Variants in MAK observed in about 807,000 individuals in gnomAD.
The protein encoded by MAK is serine/threonine-protein kinase MAK.
In MAK, 65 loss-of-function variants were observed where a neutral mutation model predicts 82.6. The observed-to-expected ratio is 0.79, with a 90% CI of 0.64 to 0.97. MAK has a LOEUF of 0.97. MAK is among the 50% of genes least tolerant of loss of function. MAK has a pLI of 0.00. For synonymous variants in MAK, 250 were observed against 274.2 expected, an observed-to-expected ratio of 0.91 and a Z score of 0.87; for missense variants, 703 against 780.2, an observed-to-expected ratio of 0.90 and a Z score of 1.18.
chr6:10,783,540 C>G (rs775614235), intron 11 of MAK, among the ~76,000 whole-genome samples: 1 of 152,200 alleles, frequency 6.6e-6, no homozygotes, highest in Non-Finnish European at 1.5e-5. Context: ...ACCCACAAGT[C>G]CTATTGGTTC....
intron 4 of MAK, among the ~76,000 whole-genome samples, chr6:10,815,912 G>GTGTATGTATA (rs1554184483): frequency 7.4e-5 from 8 of 108,322 alleles, no homozygotes; most frequent in African/African-American, 3.2e-4. Flanking sequence ...GCTTTATACA[G>GTGTATGTATA]TATATATATA....
intron 12 of MAK, among the ~76,000 whole-genome samples, chr6:10,773,993 C>T (rs566031066): frequency 6.6e-6 from 1 of 152,060 alleles, no homozygotes; most frequent in African/African-American, 2.4e-5. Flanking sequence ...GCCACTGCAC[C>T]TGGCCAAAAC....
At chr6:10,773,945 C>T (rs998590989) in intron 12 of MAK, among the ~76,000 whole-genome samples, 1 of 152,020 alleles carries the variant, frequency 6.6e-6, no homozygotes, top group Admixed American at 6.6e-5. Context: ...GTGATTCGCC[C>T]ACCTCGGCCT....
At chr6:10,817,201 A>T (rs138298245) in intron 4 of MAK, among the ~76,000 whole-genome samples, 402 of 151,946 alleles carry the variant, frequency 2.6e-3, no homozygotes, top group African/African-American at 9.1e-3. Flanking sequence ...ATTATTTCTA[A>T]GTATTTCAGA....
At position 10,764,318 on chromosome 6, in the gene MAK, G is replaced by T; in HGVS notation, c.*134C>A. 1 of 854,136 alleles carries T rather than the reference G, an allele frequency of 1.2e-6. No individual in the cohort carries two copies. Among genetic ancestry groups the T allele is most frequent in the South Asian group, 1.6e-5 (1 of 60,888 alleles). The allele number at this position is 854,136 out of a possible 1,614,324, so 52.9% of individuals were successfully genotyped here. A position where few individuals can be genotyped will look rare whatever the true frequency, so the allele number is the denominator to read the frequency against. On this transcript the variant is annotated 3_prime_UTR_variant, in exon 15 of 15. Coordinates refer to ENST00000354489, the MANE Select transcript of MAK (RefSeq NM_001242957.3). ...ATAAGTAAAATAGGGGATGATTTTTGCCCTTCCAAGTACCCACTTTTGCAT... is the reference window on the plus strand; with the variant it reads ...ATAAGTAAAATAGGGGATGATTTTTTCCCTTCCAAGTACCCACTTTTGCAT...
intron 1 of MAK, among the ~76,000 whole-genome samples, chr6:10,837,399 G>A (rs1439803157): frequency 1.3e-5 from 2 of 152,208 alleles, no homozygotes; most frequent in African/African-American, 4.8e-5. Context: ...AGTCCACCCC[G>A]ACGAAGAGAT....
intron 14 of MAK, 172 bp downstream of exon 14, chr6:10,769,939 T>C: frequency 8.0e-7 from 1 of 1,257,078 alleles, no homozygotes; most frequent in Non-Finnish European, 1.1e-6. Context: ...GACCCTCAAA[T>C]CCTCATTTTT....
chr6:10,783,824 T>C (rs1313502444), intron 11 of MAK, among the ~76,000 whole-genome samples: 1 of 152,072 alleles, frequency 6.6e-6, no homozygotes, highest in Admixed American at 6.5e-5. Flanking sequence ...ATCGAGACCA[T>C]CCCGGCTAAC....
intron 11 of MAK, among the ~76,000 whole-genome samples, chr6:10,777,617 C>G (rs1405720833): frequency 6.6e-6 from 1 of 151,702 alleles, no homozygotes; most frequent in East Asian, 1.9e-4. Context: ...TTGAAGATAA[C>G]TAGTTTAATT....
chr6:10,779,154 A>G (rs1773730462), intron 11 of MAK, among the ~76,000 whole-genome samples: 1 of 150,146 alleles, frequency 6.7e-6, no homozygotes, highest in African/African-American at 2.5e-5. Flanking sequence ...AAAAAAAAAA[A>G]GAAGTGCTAT....
intron 1 of MAK, among the ~76,000 whole-genome samples, chr6:10,831,783 G>T (rs1170727283): frequency 6.6e-6 from 1 of 152,094 alleles, no homozygotes; most frequent in Non-Finnish European, 1.5e-5. Context: ...AAAAAGGGAA[G>T]TAGAGCCTGA....
Position 10,784,523 on chromosome 6 carries a change from T to C in MAK, c.1366A>G (p.Lys456Glu), listed in dbSNP as rs777674662. ...SGSNHSTGENKSLPAVTSLKS... is the reference protein window; with the variant it reads ...SGSNHSTGENESLPAVTSLKS... Reference sequence around the variant, plus strand: ...AGGGAAGTAACAGCAGGTAAGCTCTTGTTTTCCCCTGTCGAGTGGTTGGAG... The same window carrying C: ...AGGGAAGTAACAGCAGGTAAGCTCTCGTTTTCCCCTGTCGAGTGGTTGGAG... Residue 456 changes from lysine to glutamate, a missense_variant, in exon 11 of 15, where the codon AAG becomes GAG. Lys to Glu is a moderately conservative substitution (Grantham distance 56, BLOSUM62 1). Coordinates refer to ENST00000354489, the MANE Select transcript of MAK (RefSeq NM_001242957.3). 3.1e-6 allele frequency: 5 copies of C among 1,614,048 alleles called. No individual in the cohort carries two copies. The highest frequency in any genetic ancestry group is 4.2e-6 in the Non-Finnish European group (5 of 1,180,002).
intron 9 of MAK, 140 bp from the exon 10 acceptor site, chr6:10,791,987 C>T: frequency 2.3e-6 from 2 of 855,984 alleles, no homozygotes; most frequent in East Asian, 2.6e-5. Context: ...CATATATACA[C>T]ATTTAAAAGC....
At chr6:10,771,639 C>T (rs1246883662) in intron 13 of MAK, among the ~76,000 whole-genome samples, 2 of 152,212 alleles carry the variant, frequency 1.3e-5, no homozygotes, top group Non-Finnish European at 1.5e-5. Flanking sequence ...GCTCTGTGTC[C>T]GTTGTCTCTC....
At chr6:10,806,491 A>G (rs1378287542) in intron 6 of MAK, among the ~76,000 whole-genome samples, 1 of 143,098 alleles carries the variant, frequency 7.0e-6, no homozygotes, top group African/African-American at 2.6e-5. Flanking sequence ...GGTGCCCGCC[A>G]CCACACCCGT....
At chr6:10,814,935 G>T (rs1285051821) in intron 4 of MAK, among the ~76,000 whole-genome samples, 1 of 151,908 alleles carries the variant, frequency 6.6e-6, no homozygotes, top group African/African-American at 2.4e-5. Context: ...TACTCAGGAG[G>T]CTGAGGCAGA....
At chr6:10,797,379 C>T (rs1254958828) in intron 8 of MAK, among the ~76,000 whole-genome samples, 3 of 152,136 alleles carry the variant, frequency 2.0e-5, no homozygotes, top group African/African-American at 4.8e-5. Flanking sequence ...AGATATCTGG[C>T]AATGTCTGGA....
chr6:10,784,031 AAAAC>A (rs995844620), intron 11 of MAK, among the ~76,000 whole-genome samples: 56 of 152,280 alleles, frequency 3.7e-4, no homozygotes, highest in African/African-American at 6.5e-4. Context: ...AAAAAACAAA[AAAAC>A]AAACAAACAA....
chr6:10,766,982 A>G (rs185472432), intron 14 of MAK, among the ~76,000 whole-genome samples: 44 of 152,326 alleles, frequency 2.9e-4, no homozygotes, highest in African/African-American at 7.7e-4. Flanking sequence ...CTAGAATTTC[A>G]GGACTCAAGT....
Sources: allele counts gnomAD v4.1 joint callset (sites outside exome capture counted in the v4.1 genomes callset), GRCh38; gene constraint gnomAD v4.1.1; transcripts MANE v1.5; gene names NCBI Gene and HGNC (gene_info 2026-07-23, HGNC 2026-07-21).